CCBE1: variants seen among roughly 807,000 people sequenced by gnomAD.
CCBE1 encodes the protein collagen and calcium-binding EGF domain-containing protein 1.
In CCBE1, 37 loss-of-function variants were observed where a neutral mutation model predicts 50.0. The observed-to-expected ratio is 0.74, with a 90% confidence interval of 0.57 to 0.97. The LOEUF is 0.97. Ranked by LOEUF, CCBE1 falls within the 50% of genes least tolerant of loss-of-function variation. CCBE1 has a pLI of 0.00. For missense variants in CCBE1, 538 were observed against 523.8 expected (o/e 1.03, Z -0.26); for synonymous variants, 234 against 203.7 (o/e 1.15, Z -1.27).
At position 59,627,534 on chromosome 18, in the gene CCBE1, G is replaced by A. The variant is rs115914909; in HGVS notation, c.212+69095C>T. On this transcript the variant is annotated intron_variant, in intron 2 of 10. Transcript: ENST00000439986. ...TGGAAATATGGTCTCTGCAGATGCC[G>A]TCAAGTTAAGATGAGGTCACACTGG... Among the ~76,000 whole-genome samples, 1,201 of 152,262 alleles carry A rather than the reference G, an allele frequency of 7.9e-3. 14 individuals carry two copies. The highest frequency in any genetic ancestry group is 0.027 in the African/African-American group (1,121 of 41,544).
rs1300509749 is a variant in CCBE1, at chr18:59,466,854, A to G, written c.438T>C (p.Cys146=). The part of the protein sequence containing the change: ...DECASSNGTL[C]AHICINTLGS... ...CCAAGGTATTGATGCAGATGTGGGC[A>G]CACAGCGTCCCATTGCTGCTGGCAC... The change falls in exon 5 of 11, where the codon TGT becomes TGC. Residue 146 remains cysteine (C), a synonymous_variant. Transcript: ENST00000439986. 1 of 1,613,620 alleles carries G rather than the reference A, an allele frequency of 6.2e-7. No individual in the cohort carries two copies. Among genetic ancestry groups the G allele is most frequent in the Admixed American group, 1.7e-5 (1 of 60,026 alleles).
At chr18:59,521,004 T>C (rs1420732232) in intron 2 of CCBE1, among the ~76,000 whole-genome samples, 1 of 152,244 alleles carries the variant, frequency 6.6e-6, no homozygotes, top group Non-Finnish European at 1.5e-5. Flanking sequence ...ATTGGAATGA[T>C]ATTCTCTGAA....
chr18:59,683,443 C>G (rs527496855), intron 2 of CCBE1, among the ~76,000 whole-genome samples: 18 of 152,300 alleles, frequency 1.2e-4, no homozygotes, highest in Non-Finnish European at 1.0e-4. Flanking sequence ...CGCCTGTAAT[C>G]CCAGCACTGT....
At chr18:59,628,777 G>C (rs1227515765) in intron 2 of CCBE1, among the ~76,000 whole-genome samples, 3 of 152,160 alleles carry the variant, frequency 2.0e-5, no homozygotes, top group Non-Finnish European at 4.4e-5. Context: ...AATCCATGCT[G>C]AACTACTGAG....
intron 2 of CCBE1, among the ~76,000 whole-genome samples, chr18:59,675,271 C>A (rs927238702): frequency 6.6e-6 from 1 of 152,188 alleles, no homozygotes; most frequent in Admixed American, 6.5e-5. Flanking sequence ...AGCACAAAAA[C>A]TGATTCGGCA....
At chr18:59,647,915 T>C (rs572602316) in intron 2 of CCBE1, among the ~76,000 whole-genome samples, 1 of 152,378 alleles carries the variant, frequency 6.6e-6, no homozygotes, top group South Asian at 2.1e-4. Flanking sequence ...GTAAGTTATC[T>C]ACTAGATTAT....
chr18:59,459,069 G>A (rs529303924), intron 5 of CCBE1: 3 of 152,260 alleles, frequency 2.0e-5, no homozygotes, highest in Non-Finnish European at 2.9e-5. Flanking sequence ...GAGCTGCTAC[G>A]AGGAGCCAGT....
chr18:59,512,907 C>G (rs1248392298), intron 2 of CCBE1, among the ~76,000 whole-genome samples: 1 of 152,166 alleles, frequency 6.6e-6, no homozygotes, highest in Non-Finnish European at 1.5e-5. Flanking sequence ...GCCTGAGAAA[C>G]CTGGGCAGGA....
At chr18:59,658,981 A>C (rs1310367780) in intron 2 of CCBE1, among the ~76,000 whole-genome samples, 10 of 151,800 alleles carry the variant, frequency 6.6e-5, no homozygotes, top group African/African-American at 2.2e-4. Flanking sequence ...TCAGGGTTCC[A>C]TAATCAGAAA....
chr18:59,477,536 C>G (rs965737585), intron 3 of CCBE1, among the ~76,000 whole-genome samples: 7 of 77,862 alleles, frequency 9.0e-5, no homozygotes, highest in Admixed American at 7.5e-4. Context: ...ATTTCCATGT[C>G]TCTGTGTGTG....
intron 2 of CCBE1, among the ~76,000 whole-genome samples, chr18:59,648,633 C>T (rs1460876250): frequency 2.0e-5 from 3 of 152,176 alleles, no homozygotes; most frequent in African/African-American, 4.8e-5. Context: ...ACCCAGGAGG[C>T]GGAGGTTGCA....
At chr18:59,624,142 C>T (rs1408990107) in intron 2 of CCBE1, among the ~76,000 whole-genome samples, 1 of 152,232 alleles carries the variant, frequency 6.6e-6, no homozygotes, top group Non-Finnish European at 1.5e-5. Flanking sequence ...ATTTGCAGAG[C>T]TTCTGGTATG....
chr18:59,649,747 A>T (rs953350275), intron 2 of CCBE1, among the ~76,000 whole-genome samples: 2 of 152,218 alleles, frequency 1.3e-5, no homozygotes, highest in African/African-American at 4.8e-5. Context: ...CTCACAACAC[A>T]AAAGTAAAAG....
At chr18:59,547,037 G>GAGGGGGAC (rs1915714003) in intron 2 of CCBE1, among the ~76,000 whole-genome samples, 2 of 89,894 alleles carry the variant, frequency 2.2e-5, no homozygotes, top group African/African-American at 4.4e-5. Context: ...GAGAGAGAAA[G>GAGGGGGAC]AGAGGGGGAG....
intron 2 of CCBE1, among the ~76,000 whole-genome samples, chr18:59,653,161 A>G (rs2054147356): frequency 6.6e-6 from 1 of 152,118 alleles, no homozygotes; most frequent in Non-Finnish European, 1.5e-5. Flanking sequence ...ATTCCCTCTG[A>G]TCTCTGGCCC....
At chr18:59,632,983 T>TCC (rs1238847816) in intron 2 of CCBE1, among the ~76,000 whole-genome samples, 2 of 152,124 alleles carry the variant, frequency 1.3e-5, no homozygotes, top group Non-Finnish European at 2.9e-5. Flanking sequence ...AGTCAGGCAT[T>TCC]CCCTTCTGAG....
intron 6 of CCBE1, among the ~76,000 whole-genome samples, chr18:59,451,296 C>T (rs1461450152): frequency 1.3e-5 from 2 of 152,068 alleles, no homozygotes; most frequent in Non-Finnish European, 2.9e-5. Flanking sequence ...AGGCCAAGCA[C>T]ACCAGTCAAC....
At chr18:59,530,470 C>T (rs1915004541) in intron 2 of CCBE1, among the ~76,000 whole-genome samples, 1 of 152,174 alleles carries the variant, frequency 6.6e-6, no homozygotes, top group South Asian at 2.1e-4. Flanking sequence ...CTCCTCCTGC[C>T]TTCTTGAACC....
chr18:59,498,539 G>T (rs528784992), intron 2 of CCBE1, among the ~76,000 whole-genome samples: 3 of 152,270 alleles, frequency 2.0e-5, no homozygotes, highest in South Asian at 4.1e-4. Context: ...TTATTTACTG[G>T]TAACCTTAAA....
Sources: gnomAD v4.1 joint callset for allele counts (sites outside exome capture counted in the v4.1 genomes callset) on GRCh38, gnomAD v4.1.1 for gene constraint, MANE v1.5 for transcripts, NCBI Gene and HGNC (gene_info 2026-07-23, HGNC 2026-07-21) for gene names.